Variants in CYP26B1 observed in about 807,000 individuals in gnomAD.
CYP26B1 encodes cytochrome P450 family 26 subfamily B member 1.
Under a neutral mutation model 39.1 loss-of-function variants are expected in CYP26B1, and 8 were observed. The ratio of observed to expected loss-of-function variants is 0.20; its 90% CI spans 0.12 to 0.37. The LOEUF is 0.37. CYP26B1 is among the 10% of genes least tolerant of loss of function. CYP26B1 has a pLI of 1.00. For missense variants in CYP26B1, 615 were observed against 707.0 expected, an observed-to-expected ratio of 0.87 and a Z score of 1.48; for synonymous variants, 321 against 314.3, an observed-to-expected ratio of 1.02 and a Z score of -0.23.
intron 2 of CYP26B1, among the ~76,000 whole-genome samples, chr2:72,136,421 A>C (rs770068146): frequency 7.2e-5 from 11 of 152,168 alleles, no homozygotes; most frequent in Non-Finnish European, 1.5e-4. Flanking sequence ...GAAAGGTAAC[A>C]TTTTCCTGGC....
In CYP26B1 at chr2:72,133,094, T is replaced by C; in HGVS notation, c.1075A>G (p.Lys359Glu). ...GGCGTGAACAGGCGCATGACCTCCT[T>C]GATGACGCAGTCCAGGTAGCGCAGC... is the stretch of plus-strand genomic sequence containing the variant. The part of the protein sequence containing the change: ...SGLRYLDCVI[K>E]EVMRLFTPIS... The change falls in exon 5 of 6, where the codon AAG (lysine) becomes GAG (glutamate). Residue 359 changes from lysine (K) to glutamate (E), a missense_variant. By Grantham distance (56) the Lys-to-Glu change is moderately conservative. Transcript: ENST00000001146. 6.2e-7 allele frequency: 1 copy of C among 1,613,178 alleles called. No homozygotes were observed. Among genetic ancestry groups the C allele is most frequent in the Non-Finnish European group, 8.5e-7 (1 of 1,179,984 alleles).
intron 2 of CYP26B1, among the ~76,000 whole-genome samples, chr2:72,143,296 G>T (rs1677002846): frequency 6.6e-6 from 1 of 152,088 alleles, no homozygotes; most frequent in Non-Finnish European, 1.5e-5. Context: ...GGCCTGTCCC[G>T]TGCGCGCCTC....
At chr2:72,138,439 G>A (rs990806791) in intron 2 of CYP26B1, among the ~76,000 whole-genome samples, 8 of 152,194 alleles carry the variant, frequency 5.3e-5, no homozygotes, top group African/African-American at 1.4e-4. Context: ...GGAAGGTGCC[G>A]GGGAGCGGCT....
intron 2 of CYP26B1, among the ~76,000 whole-genome samples, 160 bp from the exon 3 acceptor site, chr2:72,135,579 G>C (rs926491118): frequency 1.4e-4 from 21 of 152,140 alleles, no homozygotes; most frequent in Admixed American, 3.9e-4. Context: ...GCAAGTCTTT[G>C]GGGGATGTGG....
At chr2:72,144,966 G>C (rs535866165) in intron 1 of CYP26B1, among the ~76,000 whole-genome samples, 1 of 152,168 alleles carries the variant, frequency 6.6e-6, no homozygotes, top group Non-Finnish European at 1.5e-5. Context: ...CTCTCGAAAC[G>C]GCTGGCGGAG....
In CYP26B1 at chr2:72,132,547, T is replaced by G. The variant is rs965407824; in HGVS notation, c.1219A>C (p.Lys407Gln). ...RDTHDTAPVFKDVNVFDPDRF... is the reference protein window; with the variant it reads ...RDTHDTAPVFQDVNVFDPDRF... The stretch of plus-strand genomic sequence containing the variant: ...TCGGGGTCGAACACGTTCACGTCTT[T>G]GAACACGGGCGCTGTGTCATGGGTG... Residue 407 changes from lysine (K) to glutamine (Q), a missense_variant, in exon 6 of 6, where the codon AAA becomes CAA. Physicochemically the swap from Lys to Gln is moderately conservative, Grantham distance 53 (BLOSUM62 1). Transcript: ENST00000001146. 2 of 1,609,218 alleles carry G rather than the reference T, an allele frequency of 1.2e-6. No individual in the cohort carries two copies. The highest frequency in any genetic ancestry group is 1.3e-5 in the African/African-American group (1 of 74,882).
At chr2:72,139,833 C>T (rs77601658) in intron 2 of CYP26B1, among the ~76,000 whole-genome samples, 2,494 of 152,306 alleles carry the variant, frequency 0.016, 64 homozygotes, top group African/African-American at 0.055. Context: ...CCTCCCACCA[C>T]CCCAGACTCC....
At chr2:72,145,578 T>G (rs1677100667) in intron 1 of CYP26B1, among the ~76,000 whole-genome samples, 1 of 152,218 alleles carries the variant, frequency 6.6e-6, no homozygotes, top group African/African-American at 2.4e-5. Flanking sequence ...CCTCCCTCCG[T>G]CTGCTATACC....
rs1404163436 is a variant in CYP26B1 at position 72,144,160 on chromosome 2, C to A, written c.258G>T (p.Thr86=). Residue 86 remains threonine (T), a synonymous_variant, in exon 2 of 6, where the codon ACG becomes ACT. Coordinates refer to ENST00000001146, the MANE Select transcript of CYP26B1 (RefSeq NM_019885.4). The stretch of plus-strand genomic sequence containing the variant: ...GTATCAGCGGCCGCCCCAACAAATG[C>A]GTCTTGAACACGTTGCCATACTTCT... ...RREKYGNVFK[T]HLLGRPLIRV... 1.2e-6 allele frequency: 2 copies of A among 1,609,542 alleles called. No individual in the cohort carries two copies. The highest frequency in any genetic ancestry group is 1.3e-5 in the African/African-American group (1 of 74,856).
chr2:72,146,540 C>T (rs958605676), intron 1 of CYP26B1, among the ~76,000 whole-genome samples: 1 of 152,246 alleles, frequency 6.6e-6, no homozygotes, highest in Non-Finnish European at 1.5e-5. Flanking sequence ...TGCGTGTGTG[C>T]GCGAGCGCGC....
At chr2:72,143,919 C>T (rs1365974472) in intron 2 of CYP26B1, 70 bp downstream of exon 2, 3 of 1,562,494 alleles carry the variant, frequency 1.9e-6, no homozygotes, top group African/African-American at 1.4e-5. Flanking sequence ...GGACATTCCC[C>T]GGGCTCCAGG....
chr2:72,141,704 G>A (rs1572928767), intron 2 of CYP26B1, among the ~76,000 whole-genome samples: 1 of 152,362 alleles, frequency 6.6e-6, no homozygotes, highest in Non-Finnish European at 1.5e-5. Context: ...ATTCTCTCCA[G>A]GACAATCATG....
At chr2:72,132,926 G>C (rs1676635515) in intron 5 of CYP26B1, 97 bp downstream of exon 5, 2 of 1,569,786 alleles carry the variant, frequency 1.3e-6, no homozygotes, top group East Asian at 2.3e-5. Context: ...TCCCCATCAG[G>C]CCTGAAGTCC....
chr2:72,133,744 C>G (rs563781793), intron 4 of CYP26B1, among the ~76,000 whole-genome samples: 1 of 152,322 alleles, frequency 6.6e-6, no homozygotes, highest in East Asian at 1.9e-4. Flanking sequence ...ACTCCCAGTG[C>G]CAGCCCCTTC....
chr2:72,144,416 A>T (rs1475895986), intron 1 of CYP26B1: 2 of 1,370,520 alleles, frequency 1.5e-6, no homozygotes, highest in East Asian at 2.7e-5. Flanking sequence ...TAAATAATGC[A>T]AGGAGGCGGA....
chr2:72,145,115 G>C (rs1443498519), intron 1 of CYP26B1, among the ~76,000 whole-genome samples: 1 of 152,174 alleles, frequency 6.6e-6, no homozygotes, highest in Non-Finnish European at 1.5e-5. Context: ...CCGGCGCAAA[G>C]GGGAGGGGCG....
intron 4 of CYP26B1, among the ~76,000 whole-genome samples, chr2:72,134,357 G>C (rs1676692473): frequency 6.8e-6 from 1 of 147,222 alleles, no homozygotes; most frequent in Non-Finnish European, 1.5e-5. Flanking sequence ...CCAGCAACCT[G>C]AAAAGGCTGG....
In CYP26B1 at chr2:72,144,125, C is replaced by CATA. The variant is rs758655293; in HGVS notation, c.292_293insTAT (p.Gly98delinsValCys). On this transcript the variant is annotated protein_altering_variant, in exon 2 of 6. Coordinates refer to ENST00000001146, the MANE Select transcript of CYP26B1 (RefSeq NM_019885.4). ...GAGGATCTTGCGCACGTTCTCCGCG[C>CATA]CGGTCACGCGTATCAGCGGCCGCCC... is the stretch of plus-strand genomic sequence containing the variant. 1 of 1,611,700 alleles carries CATA rather than the reference C, an allele frequency of 6.2e-7. No individual in the cohort carries two copies. The highest frequency in any genetic ancestry group is 8.5e-7 in the Non-Finnish European group (1 of 1,178,010).
intron 1 of CYP26B1, among the ~76,000 whole-genome samples, chr2:72,146,006 A>G (rs957318206): frequency 1.3e-5 from 2 of 152,166 alleles, no homozygotes; most frequent in Admixed American, 1.3e-4. Flanking sequence ...GCGCTCCTGT[A>G]CACGTACCCC....
Sources: gnomAD v4.1 joint callset for allele counts (sites outside exome capture counted in the v4.1 genomes callset) on GRCh38, gnomAD v4.1.1 for gene constraint, MANE v1.5 for transcripts, NCBI Gene and HGNC (gene_info 2026-07-23, HGNC 2026-07-21) for gene names.